MACF1: variants seen among roughly 807,000 people sequenced by gnomAD.
MACF1 encodes the protein microtubule actin crosslinking factor 1.
A neutral mutation model predicts 854.8 loss-of-function variants in MACF1; 193 were observed. The observed-to-expected ratio is 0.23, with a 90% CI of 0.20 to 0.25. The LOEUF (loss-of-function observed/expected upper bound fraction) is 0.25. Ranked by LOEUF, MACF1 falls within the 10% of genes least tolerant of loss-of-function variation. The pLI is 1.00. For synonymous variants in MACF1, 3,185 were observed against 3,226.7 expected (o/e 0.99, Z 0.44); for missense variants, 7,722 against 8,929.1 (o/e 0.86, Z 5.45).
chr1:39,329,733 A>C (rs181289593), intron 36 of MACF1, among the ~76,000 whole-genome samples: 21 of 152,362 alleles, frequency 1.4e-4, no homozygotes, highest in African/African-American at 5.1e-4. Flanking sequence ...TTAAACACTT[A>C]AATAATTTAA....
upstream of MACF1, among the ~76,000 whole-genome samples, chr1:39,202,472 TA>T (rs919725431): frequency 6.6e-6 from 1 of 151,336 alleles, no homozygotes; most frequent in African/African-American, 2.4e-5. Context: ...CCATCTCTAC[TA>T]AAAATAGAAA....
intron 2 of MACF1, chr1:39,103,836 T>C (rs1642154489): frequency 6.6e-6 from 1 of 152,236 alleles, no homozygotes; most frequent in Non-Finnish European, 1.5e-5. Context: ...ATATGATTAA[T>C]GACTTGCTCA....
intron 4 of MACF1, among the ~76,000 whole-genome samples, chr1:39,253,185 C>T (rs1029718155): frequency 1.3e-4 from 20 of 152,280 alleles, no homozygotes; most frequent in African/African-American, 4.8e-4. Context: ...CATTCACTTT[C>T]CAACTGGTAA....
At chr1:39,190,629 G>C (rs1158986461) in intron 2 of MACF1, among the ~76,000 whole-genome samples, 1 of 151,574 alleles carries the variant, frequency 6.6e-6, no homozygotes, top group African/African-American at 2.4e-5. Context: ...GTGAGCCACC[G>C]CCTTGTGCTG....
rs77420586 is a variant in MACF1 at position 39,261,811 on chromosome 1, G to A, written c.528+3783G>A. 6.1e-4 allele frequency among the ~76,000 whole-genome samples: 93 copies of A among 152,214 alleles called. 1 individual carries two copies. In the East Asian group the frequency reaches 0.017, roughly 28 times the overall value. The stretch of plus-strand genomic sequence containing the variant: ...GTTTTCATTTCTCTTGTGTATACAT[G>A]TATATACCTAGGAATGGGATTTCTT... On this transcript the variant is annotated intron_variant, in intron 6 of 100. Coordinates refer to ENST00000564288, the MANE Select transcript of MACF1 (RefSeq NM_001394062.1).
chr1:39,141,195 TTG>T (rs1643338387), intron 2 of MACF1, among the ~76,000 whole-genome samples: 1 of 152,180 alleles, frequency 6.6e-6, no homozygotes, highest in South Asian at 2.1e-4. Flanking sequence ...CCTGTCTGTC[TTG>T]GGTGTAGCTC....
Position 39,422,830 on chromosome 1 carries a change from A to G in MACF1, c.16079A>G (p.Glu5360Gly). The change falls in exon 60 of 101, where the codon GAG (glutamate) becomes GGG (glycine). Residue 5360 changes from glutamate to glycine, a missense_variant. Physicochemically the swap from Glu to Gly is moderately conservative, Grantham distance 98. Transcript: ENST00000564288. Reference sequence around the variant, plus strand: ...CTCAGCTGGTTGGCAGATACCGAGGAGCTCATAGCCAATCAGAAACCTCCA... The same window carrying G: ...CTCAGCTGGTTGGCAGATACCGAGGGGCTCATAGCCAATCAGAAACCTCCA... ...PLLSWLADTE[E>G]LIANQKPPSA... is the part of the protein sequence containing the mutation. 6.2e-7 allele frequency: 1 copy of G among 1,614,208 alleles called. No homozygotes were observed.
At chr1:39,156,709 C>G (rs1216523624) in intron 2 of MACF1, among the ~76,000 whole-genome samples, 1 of 152,188 alleles carries the variant, frequency 6.6e-6, no homozygotes, top group Non-Finnish European at 1.5e-5. Context: ...GGGATTGACT[C>G]TACAAGAATC....
chr1:39,434,905 T>A (rs556343419), intron 69 of MACF1, among the ~76,000 whole-genome samples: 1 of 152,222 alleles, frequency 6.6e-6, no homozygotes, highest in Non-Finnish European at 1.5e-5. Context: ...TTAAAATATT[T>A]CCGGGGATAA....
At chr1:39,197,946 C>T (rs184274113) in intron 2 of MACF1, among the ~76,000 whole-genome samples, 163 of 152,128 alleles carry the variant, frequency 1.1e-3, no homozygotes, top group Non-Finnish European at 1.9e-3. Flanking sequence ...GTCTATAATC[C>T]CTGCACTTTG....
rs1641878358 is a variant in MACF1 at position 39,388,271 on chromosome 1, T to C, written c.15429T>C (p.Asp5143=). The C allele has an allele frequency of 5.6e-6, 9 of 1,614,176 alleles. No homozygotes were observed. The East Asian group carries it at 2.0e-4, about 36-fold the overall frequency. Residue 5143 remains aspartate (D), a synonymous_variant, in exon 58 of 101, where the codon GAT becomes GAC. Transcript: ENST00000564288. ...TGGCAGACCTGGATGATGAGCTAGA[T>C]GGCATGGGTGCTATTGGCAGAGACA... ...SQLADLDDEL[D]GMGAIGRDTD...
intron 70 of MACF1, among the ~76,000 whole-genome samples, chr1:39,436,925 T>C (rs1280277391): frequency 6.6e-6 from 1 of 152,260 alleles, no homozygotes; most frequent in Non-Finnish European, 1.5e-5. Context: ...TACCTTTCAT[T>C]ATTCCAACGT....
chr1:39,413,888 T>C lies in MACF1; in HGVS notation c.15817-8486T>C, dbSNP rs762262023. The C allele has an allele frequency of 3.1e-6, 5 of 1,606,254 alleles. No homozygotes were observed. In the East Asian group the frequency reaches 9.0e-5, roughly 29 times the overall value. On this transcript the variant is annotated intron_variant, in intron 58 of 100. Coordinates refer to ENST00000564288, the MANE Select transcript of MACF1 (RefSeq NM_001394062.1). ...GCTTCAGTGCCCACCCCTGCAGCTATGGTGGCCACCCTAGAGGAATTCACT... is the reference window on the plus strand; with the variant it reads ...GCTTCAGTGCCCACCCCTGCAGCTACGGTGGCCACCCTAGAGGAATTCACT...
Position 39,278,450 on chromosome 1 carries a change from A to G in MACF1, c.529-3758A>G, listed in dbSNP as rs376197495. Among the ~76,000 whole-genome samples the G allele has an allele frequency of 3.9e-5, 6 of 152,356 alleles. No individual in the cohort carries two copies. In the East Asian group the frequency reaches 9.6e-4, roughly 24 times the overall value. Reference sequence around the variant, plus strand: ...TAAAGCTGTTCATTGAAGTAGTTTTAGTGCAATATACAGAAATACTAAGAA... The same window carrying G: ...TAAAGCTGTTCATTGAAGTAGTTTTGGTGCAATATACAGAAATACTAAGAA... On this transcript the variant is annotated intron_variant, in intron 6 of 100. Transcript: ENST00000564288.
chr1:39,348,483 C>T (rs1467177780), intron 41 of MACF1, among the ~76,000 whole-genome samples: 1 of 152,134 alleles, frequency 6.6e-6, no homozygotes, highest in East Asian at 1.9e-4. Context: ...GTGTGTATGT[C>T]TCTGTGTTAA....
At position 39,430,764 on chromosome 1, in the gene MACF1, T is replaced by G; in HGVS notation, c.17193T>G (p.Arg5731=). 6.2e-7 allele frequency: 1 copy of G among 1,612,400 alleles called. No homozygotes were observed. The highest frequency in any genetic ancestry group is 8.5e-7 in the Non-Finnish European group (1 of 1,179,994). ...TGGACACAGTGAATGAGGTGAGCCGTGCTCTCTTAGAGCTGGTGCCCTGGA... is the reference window on the plus strand; with the variant it reads ...TGGACACAGTGAATGAGGTGAGCCGGGCTCTCTTAGAGCTGGTGCCCTGGA... The part of the protein sequence containing the change: ...LVLDTVNEVS[R]ALLELVPWRA... The change falls in exon 66 of 101, where the codon CGT becomes CGG. Residue 5731 remains arginine (R), a synonymous_variant. Transcript: ENST00000564288.
At chr1:39,186,202 CTCTCTCTCTCTCTGTGTGTGTGTG>C (rs1457938889) in intron 2 of MACF1, among the ~76,000 whole-genome samples, 16 of 124,432 alleles carry the variant, frequency 1.3e-4, no homozygotes, top group African/African-American at 5.0e-4. Context: ...CTCTCTCTCT[CTCTCTCTCTCTCTGTGTGTGTGTG>C]TGTGTGTGTG....
intron 2 of MACF1, among the ~76,000 whole-genome samples, chr1:39,162,958 G>C (rs1435525366): frequency 1.3e-5 from 2 of 152,060 alleles, no homozygotes; most frequent in East Asian, 3.9e-4. Flanking sequence ...ACCATAGGAG[G>C]TTAAAAAAAT....
chr1:39,381,810 A>G, intron 55 of MACF1, 143 bp from the exon 56 acceptor site: 2 of 664,102 alleles, frequency 3.0e-6, no homozygotes, highest in East Asian at 2.7e-5. Flanking sequence ...CCTGGGTGAT[A>G]GAGTGAGACA....
Sources: gnomAD v4.1 joint callset for allele counts (sites outside exome capture counted in the v4.1 genomes callset) on GRCh38, gnomAD v4.1.1 for gene constraint, MANE v1.5 for transcripts, NCBI Gene and HGNC (gene_info 2026-07-23, HGNC 2026-07-21) for gene names.